The following CFAP52 variants were observed in gnomAD, a reference collection of about 807,000 sequenced individuals.
CFAP52 encodes cilia and flagella associated protein 52.
Under a neutral mutation model 70.5 loss-of-function variants are expected in CFAP52, and 57 were observed. The observed-to-expected ratio is 0.81, with a 90% CI of 0.65 to 1.01. The LOEUF is 1.01. Ranked by LOEUF, CFAP52 falls within the 50% of genes least tolerant of loss-of-function variation. CFAP52 has a pLI of 0.00. For synonymous variants in CFAP52, 267 were observed against 292.5 expected (o/e 0.91, Z 0.89); for missense variants, 785 against 788.5 (o/e 1.00, Z 0.05).
At chr17:9,638,518 T>A in intron 11 of CFAP52, 91 bp from the exon 12 acceptor site, 2 of 1,250,452 alleles carry the variant, frequency 1.6e-6, no homozygotes, top group Admixed American at 1.9e-5. Context: ...CCAACCCAAA[T>A]CCCAGCTTGC....
intron 8 of CFAP52, among the ~76,000 whole-genome samples, chr17:9,613,131 G>C (rs960207110): frequency 6.6e-6 from 1 of 151,782 alleles, no homozygotes; most frequent in Non-Finnish European, 1.5e-5. Flanking sequence ...CGAAGTATCT[G>C]TGGTACCTGT....
At chr17:9,645,449 C>A (rs1272872366), downstream of CFAP52, 2 of 437,278 alleles carry the variant, frequency 4.6e-6, no homozygotes, top group Non-Finnish European at 6.8e-6. The surrounding 1 kb of genome is among the most constrained non-coding windows in gnomAD (Gnocchi z 6.8). Context: ...GGGGGCTGGT[C>A]GTGCCGCCGG....
chr17:9,632,584 T>C (rs1952703902), intron 9 of CFAP52, among the ~76,000 whole-genome samples: 1 of 152,126 alleles, frequency 6.6e-6, no homozygotes, highest in East Asian at 1.9e-4. Flanking sequence ...GTGCTCAGAT[T>C]TGAATGTTTT....
chr17:9,577,979 C>G (rs1486657670), intron 1 of CFAP52, among the ~76,000 whole-genome samples: 1 of 152,168 alleles, frequency 6.6e-6, no homozygotes, highest in African/African-American at 2.4e-5. Flanking sequence ...GTAATCCCAG[C>G]TACTTGAGAG....
intron 12 of CFAP52, among the ~76,000 whole-genome samples, chr17:9,641,356 G>A (rs1033600699): frequency 6.6e-6 from 1 of 152,172 alleles, no homozygotes; most frequent in Non-Finnish European, 1.5e-5. Flanking sequence ...ATCCCCCAGT[G>A]AGAAGGAAGA....
chr17:9,623,611 T>TATA (rs1242752145), intron 8 of CFAP52, among the ~76,000 whole-genome samples: 5 of 152,198 alleles, frequency 3.3e-5, no homozygotes, highest in Non-Finnish European at 7.3e-5. Flanking sequence ...CATTCTTTCT[T>TATA]ATATATCTAA....
intron 2 of CFAP52, among the ~76,000 whole-genome samples, chr17:9,586,417 G>T (rs1327847952): frequency 1.3e-5 from 2 of 152,014 alleles, no homozygotes; most frequent in South Asian, 2.1e-4. Context: ...TACAAAATTA[G>T]CAGGGCGTGC....
Position 9,585,807 on chromosome 17 carries a change from C to T in CFAP52, c.105C>T (p.Asp35=). The stretch of plus-strand genomic sequence containing the variant: ...CCACTGGTCTCAAATGCCATCCTGA[C>T]CAGGAGCATATGATTTATCCTCTTG... ...HVPTGLKCHP[D]QEHMIYPLGC... is the part of the protein sequence containing the mutation. Residue 35 remains aspartate (D), a synonymous_variant, in exon 2 of 14, where the codon GAC becomes GAT. Coordinates refer to ENST00000352665, the MANE Select transcript of CFAP52 (RefSeq NM_145054.5). 1 of 1,614,058 alleles carries T rather than the reference C, an allele frequency of 6.2e-7. No individual in the cohort carries two copies. Among genetic ancestry groups the T allele is most frequent in the South Asian group, 1.1e-5 (1 of 91,070 alleles).
chr17:9,610,531 AT>A (rs58955810), intron 7 of CFAP52, among the ~76,000 whole-genome samples: 380 of 144,810 alleles, frequency 2.6e-3, no homozygotes, highest in Middle Eastern at 3.6e-3. Flanking sequence ...TCCTTTCCCC[AT>A]TTTTTTTTTT....
At chr17:9,625,842 C>T (rs1014570421) in intron 8 of CFAP52, among the ~76,000 whole-genome samples, 49 of 152,170 alleles carry the variant, frequency 3.2e-4, no homozygotes, top group African/African-American at 1.1e-3. Context: ...CAGTTCAGTG[C>T]TCCAGCCTTA....
chr17:9,585,632 A>G (rs1908429294), intron 1 of CFAP52, 141 bp from the exon 2 acceptor site: 13 of 841,238 alleles, frequency 1.5e-5, no homozygotes, highest in Non-Finnish European at 2.5e-5. Context: ...AGACTGCACC[A>G]TTGCACCCCA....
chr17:9,611,328 G>T (rs1216392558), intron 7 of CFAP52, among the ~76,000 whole-genome samples: 2 of 151,656 alleles, frequency 1.3e-5, no homozygotes, highest in Non-Finnish European at 2.9e-5. Flanking sequence ...ACTCCTTAAG[G>T]TTCTGGCAAA....
At chr17:9,586,022 C>CT (rs1908456596) in intron 2 of CFAP52, 50 bp downstream of exon 2, 1 of 1,577,732 alleles carries the variant, frequency 6.3e-7, no homozygotes, top group African/African-American at 1.3e-5. Context: ...AGGTGCCTCC[C>CT]TAGAAGAACT....
rs777210226 is a variant in CFAP52 at position 9,643,142 on chromosome 17, G to T, written c.1807G>T (p.Val603Phe). ...IRISPGNQYIVSVSADGAILR... is the reference protein window; with the variant it reads ...IRISPGNQYIFSVSADGAILR... Reference sequence around the variant, plus strand: ...CATAAGTCCAGGAAATCAATATATTGTTAGTGTAAGTGCCGATGGAGCCAT... The same window carrying T: ...CATAAGTCCAGGAAATCAATATATTTTTAGTGTAAGTGCCGATGGAGCCAT... The change falls in exon 14 of 14, where the codon GTT becomes TTT. Residue 603 changes from valine (V) to phenylalanine (F), a missense_variant. Val to Phe is a conservative substitution (Grantham distance 50, BLOSUM62 -1). Coordinates refer to ENST00000352665, the MANE Select transcript of CFAP52 (RefSeq NM_145054.5). 6.2e-7 allele frequency: 1 copy of T among 1,613,398 alleles called. No individual in the cohort carries two copies. Among genetic ancestry groups the T allele is most frequent in the Admixed American group, 1.7e-5 (1 of 59,850 alleles).
intron 1 of CFAP52, among the ~76,000 whole-genome samples, chr17:9,578,301 C>T (rs192630659): frequency 1.8e-3 from 274 of 152,196 alleles, no homozygotes; most frequent in Admixed American, 3.1e-3. Context: ...CAGGACATGA[C>T]GGCACGTTAA....
intron 6 of CFAP52, 67 bp from the exon 7 acceptor site, chr17:9,608,052 G>T: frequency 7.6e-7 from 1 of 1,310,482 alleles, no homozygotes; most frequent in Admixed American, 2.0e-5. Context: ...TTGGTTACAT[G>T]AGTACATTCT....
At chr17:9,594,103 T>C (rs1908887791) in intron 3 of CFAP52, 90 bp from the exon 4 acceptor site, 1 of 1,460,768 alleles carries the variant, frequency 6.8e-7, no homozygotes, top group African/African-American at 1.4e-5. Context: ...TGTGTTTTTT[T>C]CTTTCTAGAA....
chr17:9,584,170 T>C, intron 1 of CFAP52: 2 of 1,197,666 alleles, frequency 1.7e-6, no homozygotes, highest in South Asian at 3.2e-5. Flanking sequence ...TTTTCTTTTA[T>C]TTTTGCTGAA....
rs1385600380 is a variant in CFAP52, at chr17:9,622,075, C to T, written c.1026-6597C>T. On this transcript the variant is annotated intron_variant, in intron 8 of 13. Transcript: ENST00000352665. ...TAACCAATGTTTGTATCTAATCTGC[C>T]AAAAAGGCAAGAGTCTCAGCATATT... Among the ~76,000 whole-genome samples the T allele has an allele frequency of 3.3e-5, 5 of 151,258 alleles. No homozygotes were observed. In the Admixed American group the frequency reaches 3.3e-4, roughly 10 times the overall value.
Sources: gnomAD v4.1 joint callset for allele counts (sites outside exome capture counted in the v4.1 genomes callset) on GRCh38, gnomAD v4.1.1 for gene constraint, Gnocchi (gnomAD v3.1) non-coding constraint, MANE v1.5 for transcripts, NCBI Gene and HGNC (gene_info 2026-07-23, HGNC 2026-07-21) for gene names.